The following MAML2 variants were observed in gnomAD, a reference collection of about 807,000 sequenced individuals.
MAML2 encodes mastermind like transcriptional coactivator 2.
MAML2 carries 22 observed loss-of-function variants against 96.1 expected under a neutral mutation model. The ratio of observed to expected loss-of-function variants is 0.23; its 90% CI spans 0.16 to 0.33. The LOEUF is 0.33. Among genes scored for constraint, MAML2 ranks in the 10% least tolerant of loss-of-function variants. The pLI is 1.00. For missense variants in MAML2, 1,367 were observed against 1,392.4 expected, an observed-to-expected ratio of 0.98 and a Z score of 0.29; for synonymous variants, 561 against 521.3, an observed-to-expected ratio of 1.08 and a Z score of -1.04.
At chr11:96,276,465 C>T (rs1015242343) in intron 1 of MAML2, among the ~76,000 whole-genome samples, 11 of 152,084 alleles carry the variant, frequency 7.2e-5, no homozygotes, top group Non-Finnish European at 1.6e-4. Flanking sequence ...CACAGAGGAC[C>T]GCATTTAAGG....
chr11:96,273,563 C>G (rs1195264806), intron 1 of MAML2, among the ~76,000 whole-genome samples: 1 of 151,824 alleles, frequency 6.6e-6, no homozygotes, highest in Non-Finnish European at 1.5e-5. Context: ...GCAAGTTATT[C>G]TCCATAGTGC....
At chr11:96,321,188 T>C (rs1863695435) in intron 1 of MAML2, among the ~76,000 whole-genome samples, 1 of 152,228 alleles carries the variant, frequency 6.6e-6, no homozygotes, top group Non-Finnish European at 1.5e-5. Flanking sequence ...AGCCAACCTC[T>C]GAGCACAGTT....
At chr11:96,190,129 G>C (rs1861632399) in intron 1 of MAML2, among the ~76,000 whole-genome samples, 1 of 152,188 alleles carries the variant, frequency 6.6e-6, no homozygotes, top group East Asian at 1.9e-4. Context: ...GATGAACATG[G>C]AGTCTGCAAT....
At chr11:96,093,678 G>A (rs1565212925) in intron 1 of MAML2, among the ~76,000 whole-genome samples, 161 bp from the exon 2 acceptor site, 2 of 152,150 alleles carry the variant, frequency 1.3e-5, no homozygotes, top group Admixed American at 6.5e-5. Context: ...GCACAATCTG[G>A]ATTATAATAA....
chr11:96,002,687 G>GAA (rs1858102715), intron 2 of MAML2, among the ~76,000 whole-genome samples: 2 of 140,658 alleles, frequency 1.4e-5, no homozygotes, highest in South Asian at 2.4e-4. Flanking sequence ...GATGGGGATG[G>GAA]TGGGGAGCAT....
chr11:96,026,431 G>C (rs939381335), intron 2 of MAML2, among the ~76,000 whole-genome samples: 2 of 152,184 alleles, frequency 1.3e-5, no homozygotes, highest in Non-Finnish European at 2.9e-5. Context: ...ATCATTTTAA[G>C]TCTCTCATCC....
intron 1 of MAML2, among the ~76,000 whole-genome samples, chr11:96,316,256 T>A (rs988349297): frequency 1.5e-4 from 23 of 152,170 alleles, no homozygotes; most frequent in Non-Finnish European, 2.8e-4. Context: ...ACCCAAGCAC[T>A]CTGGTGGGTA....
At chr11:96,071,101 T>C (rs79305072) in intron 2 of MAML2, among the ~76,000 whole-genome samples, 5,020 of 152,368 alleles carry the variant, frequency 0.033, 169 homozygotes, top group African/African-American at 0.082. Flanking sequence ...AGGCTTAAGC[T>C]GTATTCCTAA....
chr11:96,342,086 G>T lies in MAML2; in HGVS notation c.-191C>A, dbSNP rs1358147303. The T allele has an allele frequency of 1.7e-6, 1 of 576,914 alleles. No individual in the cohort carries two copies. The highest frequency in any genetic ancestry group is 3.0e-6 in the Non-Finnish European group (1 of 331,428). The allele number at this position is 576,914 out of a possible 1,614,324, so 35.7% of individuals were successfully genotyped here. ...GGGGAGTTAGTAAAAAGAGGGTGGG[G>T]AGAAAGAATAGAAACCAACTGGGGG... On this transcript the variant is annotated 5_prime_UTR_variant, in exon 1 of 5. Coordinates refer to ENST00000524717, the MANE Select transcript of MAML2 (RefSeq NM_032427.4).
intron 1 of MAML2, among the ~76,000 whole-genome samples, chr11:96,117,289 C>CTTT (rs11371864): frequency 6.9e-6 from 1 of 145,440 alleles, no homozygotes; most frequent in African/African-American, 2.5e-5. Flanking sequence ...CTGCAAAGCT[C>CTTT]TTTTTTTTTT....
intron 1 of MAML2, among the ~76,000 whole-genome samples, chr11:96,285,869 G>A (rs1401113066): frequency 6.6e-6 from 1 of 152,206 alleles, no homozygotes; most frequent in Non-Finnish European, 1.5e-5. Context: ...CTTCTATGCT[G>A]TTGGTGAGAA....
intron 1 of MAML2, among the ~76,000 whole-genome samples, chr11:96,221,251 A>G (rs1204537065): frequency 2.0e-5 from 3 of 152,152 alleles, no homozygotes; most frequent in Non-Finnish European, 4.4e-5. Flanking sequence ...TGCTGTTCCC[A>G]CTGTTAACCA....
chr11:96,043,419 G>GA (rs1045938434), intron 2 of MAML2, among the ~76,000 whole-genome samples: 4 of 152,134 alleles, frequency 2.6e-5, no homozygotes, highest in Non-Finnish European at 5.9e-5. Context: ...ATGGAAATGA[G>GA]AAAAAAACTC....
chr11:96,131,158 T>C (rs1182849940), intron 1 of MAML2, among the ~76,000 whole-genome samples: 1 of 151,718 alleles, frequency 6.6e-6, no homozygotes, highest in Admixed American at 6.6e-5. Context: ...AAAAAGATAC[T>C]CCAGACATTC....
intron 1 of MAML2, among the ~76,000 whole-genome samples, chr11:96,176,505 T>G (rs1861390436): frequency 6.6e-6 from 1 of 152,182 alleles, no homozygotes; most frequent in Non-Finnish European, 1.5e-5. Context: ...TCTGCGGTGC[T>G]GCTGATGGTC....
At chr11:96,273,802 T>C (rs926270139) in intron 1 of MAML2, among the ~76,000 whole-genome samples, 6 of 152,168 alleles carry the variant, frequency 3.9e-5, no homozygotes, top group Admixed American at 1.3e-4. Flanking sequence ...ATAGCCAGCC[T>C]CCATATCAAA....
At chr11:96,335,537 C>A (rs1338338815) in intron 1 of MAML2, among the ~76,000 whole-genome samples, 1 of 152,138 alleles carries the variant, frequency 6.6e-6, no homozygotes, top group African/African-American at 2.4e-5. Flanking sequence ...ATATAACTCA[C>A]CATGAATGGG....
intron 1 of MAML2, among the ~76,000 whole-genome samples, chr11:96,252,597 T>C (rs1399182029): frequency 1.3e-5 from 2 of 152,030 alleles, no homozygotes; most frequent in Non-Finnish European, 2.9e-5. Context: ...GGCTAATTTT[T>C]GTATGTTTAG....
intron 1 of MAML2, among the ~76,000 whole-genome samples, chr11:96,256,148 A>G (rs1339652118): frequency 2.6e-5 from 4 of 151,920 alleles, no homozygotes; most frequent in African/African-American, 9.7e-5. Context: ...TAGTGGGATT[A>G]CAGGTGTGAC....
Sources: gnomAD v4.1 joint callset for allele counts (sites outside exome capture counted in the v4.1 genomes callset) on GRCh38, gnomAD v4.1.1 for gene constraint, MANE v1.5 for transcripts, NCBI Gene and HGNC (gene_info 2026-07-23, HGNC 2026-07-21) for gene names.